Variants in NEO1 observed in about 807,000 individuals in gnomAD.
NEO1 encodes neogenin 1.
In NEO1, 63 loss-of-function variants were observed where a neutral mutation model predicts 159.7. The ratio of observed to expected loss-of-function variants is 0.39; its 90% CI spans 0.32 to 0.49. The LOEUF is 0.49. NEO1 is among the 20% of genes least tolerant of loss of function. NEO1 has a pLI of 0.85. For synonymous variants in NEO1, 633 were observed against 662.0 expected (o/e 0.96, Z 0.67); for missense variants, 1,615 against 1,831.0 (o/e 0.88, Z 2.15).
intron 7 of NEO1, among the ~76,000 whole-genome samples, chr15:73,179,347 G>A (rs2035468359): frequency 6.6e-6 from 1 of 152,096 alleles, no homozygotes; most frequent in African/African-American, 2.4e-5. Context: ...TGTTGGAGAG[G>A]GTGTAACCAT....
chr15:73,086,479 A>G (rs1213825090), intron 1 of NEO1, among the ~76,000 whole-genome samples: 1 of 151,594 alleles, frequency 6.6e-6, no homozygotes, highest in African/African-American at 2.4e-5. Flanking sequence ...TATGACTGGA[A>G]TTGTATTAAG....
At chr15:73,157,464 C>G (rs951170204) in intron 5 of NEO1, among the ~76,000 whole-genome samples, 2 of 152,186 alleles carry the variant, frequency 1.3e-5, no homozygotes, top group Non-Finnish European at 2.9e-5. Flanking sequence ...AGGTGAGATC[C>G]AGGATTCAGG....
chr15:73,140,040 A>G (rs2032226193), intron 5 of NEO1, among the ~76,000 whole-genome samples: 1 of 152,258 alleles, frequency 6.6e-6, no homozygotes, highest in South Asian at 2.1e-4. Context: ...CTAGCTAGCT[A>G]TTAATATTTG....
intron 7 of NEO1, among the ~76,000 whole-genome samples, chr15:73,222,401 G>A (rs563465831): frequency 1.4e-4 from 22 of 151,948 alleles, no homozygotes; most frequent in African/African-American, 5.1e-4. Context: ...ACCGTGCCTG[G>A]CGGTAATTTT....
chr15:73,225,424 G>A (rs1197368755), intron 7 of NEO1, among the ~76,000 whole-genome samples: 2 of 152,226 alleles, frequency 1.3e-5, no homozygotes, highest in East Asian at 3.9e-4. Context: ...ACCATCAGGA[G>A]GGGGCGGGGC....
intron 7 of NEO1, among the ~76,000 whole-genome samples, chr15:73,182,863 C>A (rs1464342852): frequency 6.6e-6 from 1 of 152,090 alleles, no homozygotes; most frequent in Non-Finnish European, 1.5e-5. Flanking sequence ...AACCTAAATT[C>A]CAAAAAGGAC....
intron 1 of NEO1, among the ~76,000 whole-genome samples, chr15:73,100,862 G>A (rs2151506313): frequency 6.6e-6 from 1 of 152,116 alleles, no homozygotes; most frequent in South Asian, 2.1e-4. Flanking sequence ...TATTTCAGAT[G>A]TTTTCCACTA....
At chr15:73,208,470 T>C (rs2037358668) in intron 7 of NEO1, among the ~76,000 whole-genome samples, 1 of 152,226 alleles carries the variant, frequency 6.6e-6, no homozygotes, top group Non-Finnish European at 1.5e-5. Flanking sequence ...TAGTAGAACT[T>C]TATTTTTTTT....
chr15:73,120,220 T>A (rs540673037), intron 2 of NEO1, among the ~76,000 whole-genome samples: 1 of 152,068 alleles, frequency 6.6e-6, no homozygotes, highest in South Asian at 2.1e-4. Flanking sequence ...TAAGATTTCC[T>A]CCTTTCCCCA....
At chr15:73,162,529 GTTA>G (rs1266491205) in intron 5 of NEO1, among the ~76,000 whole-genome samples, 1 of 151,864 alleles carries the variant, frequency 6.6e-6, no homozygotes, top group Non-Finnish European at 1.5e-5. Context: ...AGTAGCTGGG[GTTA>G]TAGGTGTGCG....
At chr15:73,155,559 T>C (rs2033714646) in intron 5 of NEO1, among the ~76,000 whole-genome samples, 2 of 152,200 alleles carry the variant, frequency 1.3e-5, no homozygotes, top group South Asian at 4.1e-4. Context: ...ATAGGTTTTC[T>C]AAACTTTCTG....
At chr15:73,165,787 A>G (rs2151908478) in intron 5 of NEO1, among the ~76,000 whole-genome samples, 1 of 152,348 alleles carries the variant, frequency 6.6e-6, no homozygotes, top group East Asian at 1.9e-4. Flanking sequence ...AAGGCTTTTT[A>G]AAAGAAACCA....
intron 1 of NEO1, among the ~76,000 whole-genome samples, chr15:73,058,788 TC>T (rs2067841131): frequency 6.6e-6 from 1 of 152,174 alleles, no homozygotes; most frequent in South Asian, 2.1e-4. Context: ...ATTTCAAAGG[TC>T]CCTTCTGCCT....
chr15:73,224,864 G>C (rs1348434802), intron 7 of NEO1, among the ~76,000 whole-genome samples: 4 of 151,944 alleles, frequency 2.6e-5, no homozygotes, highest in African/African-American at 9.7e-5. Context: ...TTTTTGGGGG[G>C]GGTGTTAAAG....
chr15:73,116,664 A>G lies in NEO1; in HGVS notation c.255A>G (p.Glu85=). The part of the protein sequence containing the change: ...SAYSEPSPKI[E]WKKDGTFLNL... ...ATTCTGAGCCTTCTCCAAAAATTGA[A>G]TGGAAAAAAGATGGAACTTTTTTAA... Residue 85 remains glutamate (E), a synonymous_variant, in exon 2 of 29, where the codon GAA becomes GAG. Coordinates refer to ENST00000261908, the MANE Select transcript of NEO1 (RefSeq NM_002499.4). 1.2e-6 allele frequency: 2 copies of G among 1,614,086 alleles called. No homozygotes were observed. The highest frequency in any genetic ancestry group is 1.7e-6 in the Non-Finnish European group (2 of 1,179,946).
At chr15:73,056,189 C>T (rs115989075) in intron 1 of NEO1, among the ~76,000 whole-genome samples, 18 of 152,334 alleles carry the variant, frequency 1.2e-4, no homozygotes, top group Middle Eastern at 3.4e-3. Flanking sequence ...CTCTTGTCAC[C>T]CCTAACATGC....
intron 1 of NEO1, among the ~76,000 whole-genome samples, chr15:73,081,606 C>T (rs2069049980): frequency 6.6e-6 from 1 of 151,524 alleles, no homozygotes. Context: ...GAGACAAGGA[C>T]TCACTGTCAC....
In NEO1 at chr15:73,279,357, T is replaced by G. The variant is rs547162346; in HGVS notation, c.3262+1158T>G. The stretch of plus-strand genomic sequence containing the variant: ...TTTTGTTGTTTTGGTTTTGGTTTTT[T>G]TTTTTTTTTGAGATGGAATCTCGCT... On this transcript the variant is annotated intron_variant, in intron 22 of 28. Transcript: ENST00000261908. 5.7e-5 allele frequency among the ~76,000 whole-genome samples: 8 copies of G among 141,560 alleles called. No individual in the cohort carries two copies. The East Asian group carries it at 8.2e-4, about 15-fold the overall frequency. The allele number at this position is 141,560 out of a possible 152,430, so 92.9% of individuals were successfully genotyped here.
At chr15:73,202,727 C>T (rs566724688) in intron 7 of NEO1, among the ~76,000 whole-genome samples, 1 of 152,294 alleles carries the variant, frequency 6.6e-6, no homozygotes, top group East Asian at 1.9e-4. Flanking sequence ...GCAGCTATCA[C>T]TGCTATCCAT....
Sources: allele counts gnomAD v4.1 joint callset (sites outside exome capture counted in the v4.1 genomes callset), GRCh38; gene constraint gnomAD v4.1.1; transcripts MANE v1.5; gene names NCBI Gene and HGNC (gene_info 2026-07-23, HGNC 2026-07-21).